GPC5: variants seen among roughly 807,000 people sequenced by gnomAD.
GPC5 encodes glypican 5.
Under a neutral mutation model 53.9 loss-of-function variants are expected in GPC5, and 47 were observed. The observed-to-expected ratio is 0.87, with a 90% CI of 0.69 to 1.11. The LOEUF (loss-of-function observed/expected upper bound fraction) is 1.11. GPC5 is among the 50% of genes most tolerant of loss of function. The pLI, the probability that GPC5 is intolerant of heterozygous loss-of-function variation, is 0.00. For synonymous variants in GPC5, 286 were observed against 263.3 expected (o/e 1.09, Z -0.84); for missense variants, 748 against 713.1 (o/e 1.05, Z -0.56).
intron 7 of GPC5, among the ~76,000 whole-genome samples, chr13:92,644,536 T>G (rs1437139620): frequency 1.3e-5 from 2 of 152,168 alleles, no homozygotes; most frequent in Non-Finnish European, 2.9e-5. Flanking sequence ...CTGTCCTAGT[T>G]ATGCAAATGT....
In GPC5 at chr13:91,855,679, A is replaced by G. The variant is rs531116224; in HGVS notation, c.1281-52258A>G. On this transcript the variant is annotated intron_variant, in intron 5 of 7. Coordinates refer to ENST00000377067, the MANE Select transcript of GPC5 (RefSeq NM_004466.6). ...ATGGTTTTTCATGATATATGTCTCA[A>G]GTTTCATGGTATTTCAAAATGCCTT... Among the ~76,000 whole-genome samples, 27 of 151,800 alleles carry G rather than the reference A, an allele frequency of 1.8e-4. 1 individual carries two copies. The highest frequency in any genetic ancestry group is 6.0e-4 in the African/African-American group (25 of 41,550).
chr13:92,499,186 A>T (rs759904209), intron 7 of GPC5, among the ~76,000 whole-genome samples: 1 of 152,162 alleles, frequency 6.6e-6, no homozygotes, highest in Non-Finnish European at 1.5e-5. Flanking sequence ...GAAGAATAAC[A>T]GTGTTCAAAA....
intron 6 of GPC5, among the ~76,000 whole-genome samples, chr13:92,110,862 C>T (rs1280670308): frequency 6.6e-6 from 1 of 152,112 alleles, no homozygotes; most frequent in Non-Finnish European, 1.5e-5. Context: ...TAAACATTTT[C>T]TTTCGATGTC....
intron 2 of GPC5, among the ~76,000 whole-genome samples, chr13:91,607,638 C>A (rs1263937584): frequency 6.6e-6 from 1 of 152,172 alleles, no homozygotes; most frequent in Non-Finnish European, 1.5e-5. Context: ...AGCATAATTA[C>A]ATAAACAAAA....
intron 6 of GPC5, among the ~76,000 whole-genome samples, chr13:92,120,628 T>G (rs1199697712): frequency 1.3e-5 from 2 of 152,232 alleles, no homozygotes; most frequent in Non-Finnish European, 2.9e-5. Context: ...TGTTTTAATG[T>G]TGATCTGTTT....
intron 2 of GPC5, among the ~76,000 whole-genome samples, chr13:91,533,797 C>G (rs772404818): frequency 2.6e-5 from 4 of 152,142 alleles, no homozygotes; most frequent in Non-Finnish European, 4.4e-5. Context: ...GTACTTGAAT[C>G]ATGTATGTGA....
chr13:92,019,072 C>T (rs1456778789), intron 6 of GPC5, among the ~76,000 whole-genome samples: 1 of 151,910 alleles, frequency 6.6e-6, no homozygotes, highest in Non-Finnish European at 1.5e-5. Context: ...ACATTGGAAA[C>T]ACATTAATTT....
intron 5 of GPC5, among the ~76,000 whole-genome samples, chr13:91,855,177 T>G (rs866292324): frequency 4.6e-5 from 7 of 151,748 alleles, no homozygotes; most frequent in Admixed American, 1.3e-4. Context: ...TAATAGATGT[T>G]GACCGACTTT....
chr13:92,865,227 C>T (rs993301127), intron 7 of GPC5, among the ~76,000 whole-genome samples: 1 of 152,070 alleles, frequency 6.6e-6, no homozygotes, highest in Non-Finnish European at 1.5e-5. Context: ...TGGTGTATGA[C>T]TTTGCCCGCT....
At chr13:92,105,517 C>T (rs1445573285) in intron 6 of GPC5, among the ~76,000 whole-genome samples, 1 of 151,992 alleles carries the variant, frequency 6.6e-6, no homozygotes, top group East Asian at 1.9e-4. Context: ...AAAATAAGCA[C>T]TCTCTTAAAT....
At chr13:91,802,686 C>T (rs77742538) in intron 5 of GPC5, among the ~76,000 whole-genome samples, 1 of 152,102 alleles carries the variant, frequency 6.6e-6, no homozygotes, top group East Asian at 1.9e-4. Context: ...AAAAGTTCTC[C>T]AAGTCCCCAG....
rs187859183 is a variant in GPC5 at position 91,616,275 on chromosome 13, C to T, written c.326-76912C>T. Among the ~76,000 whole-genome samples, 545 of 152,128 alleles carry T rather than the reference C, an allele frequency of 3.6e-3. 4 individuals are homozygous for T. The highest frequency in any genetic ancestry group is 0.013 in the African/African-American group (522 of 41,544). ...TGGTTTCATTTAAAGAAACAGATCT[C>T]TTATGAACTATTTAAAGATCCTTTC... On this transcript the variant is annotated intron_variant, in intron 2 of 7. Coordinates refer to ENST00000377067, the MANE Select transcript of GPC5 (RefSeq NM_004466.6).
chr13:91,957,781 G>A (rs1396133220), intron 6 of GPC5, among the ~76,000 whole-genome samples: 2 of 151,910 alleles, frequency 1.3e-5, no homozygotes, highest in East Asian at 1.9e-4. Flanking sequence ...AGCCCTATAA[G>A]AAATATTTAA....
chr13:92,636,396 C>T (rs1451091673), intron 7 of GPC5, among the ~76,000 whole-genome samples: 5 of 152,076 alleles, frequency 3.3e-5, no homozygotes, highest in Non-Finnish European at 7.4e-5. Flanking sequence ...TTTTGCTGAG[C>T]GTAGCTATGC....
At chr13:91,521,151 C>A (rs1885795130) in intron 2 of GPC5, among the ~76,000 whole-genome samples, 3 of 152,130 alleles carry the variant, frequency 2.0e-5, no homozygotes, top group South Asian at 4.1e-4. Context: ...CATGCTGTTT[C>A]TCTTTTATTT....
intron 2 of GPC5, among the ~76,000 whole-genome samples, chr13:91,476,723 G>T (rs1410880525): frequency 6.6e-6 from 1 of 152,094 alleles, no homozygotes; most frequent in Non-Finnish European, 1.5e-5. Context: ...GACGGTTGCA[G>T]AATTAAATGA....
chr13:91,969,324 T>A (rs2040218800), intron 6 of GPC5, among the ~76,000 whole-genome samples: 1 of 152,170 alleles, frequency 6.6e-6, no homozygotes, highest in East Asian at 1.9e-4. Context: ...GCTAATAGCA[T>A]GGATATCTGA....
At chr13:91,599,590 G>A (rs2033110565) in intron 2 of GPC5, among the ~76,000 whole-genome samples, 1 of 151,938 alleles carries the variant, frequency 6.6e-6, no homozygotes. Context: ...ATATACATAA[G>A]TAAAAACATT....
At chr13:91,860,791 C>T (rs1158272835) in intron 5 of GPC5, among the ~76,000 whole-genome samples, 6 of 152,118 alleles carry the variant, frequency 3.9e-5, no homozygotes, top group African/African-American at 1.2e-4. Context: ...CATGAGCCGC[C>T]GTGCCCGGCC....
Sources: gnomAD v4.1 joint callset for allele counts (sites outside exome capture counted in the v4.1 genomes callset) on GRCh38, gnomAD v4.1.1 for gene constraint, MANE v1.5 for transcripts, NCBI Gene and HGNC (gene_info 2026-07-23, HGNC 2026-07-21) for gene names.